The following ADGRL4 variants were observed in gnomAD, a reference collection of about 807,000 sequenced individuals.
The protein encoded by ADGRL4 is EGF, latrophilin and seven transmembrane domain containing 1.
A neutral mutation model predicts 74.8 loss-of-function variants in ADGRL4; 90 were observed. The observed-to-expected ratio is 1.20, with a 90% CI of 1.02 to 1.43. The LOEUF is 1.43. ADGRL4 is among the 40% of genes most tolerant of loss of function. The pLI is 0.00. For missense variants in ADGRL4, 881 were observed against 814.3 expected (o/e 1.08, Z -1.00); for synonymous variants, 311 against 279.2 (o/e 1.11, Z -1.14).
At chr1:78,989,309 TG>T (rs1650557594) in intron 2 of ADGRL4, among the ~76,000 whole-genome samples, 1 of 151,828 alleles carries the variant, frequency 6.6e-6, no homozygotes, top group South Asian at 2.1e-4. Flanking sequence ...GATATACATA[TG>T]ATTTAGGAAA....
At chr1:78,922,308 T>C (rs1163864295) in intron 8 of ADGRL4, among the ~76,000 whole-genome samples, 1 of 151,758 alleles carries the variant, frequency 6.6e-6, no homozygotes, top group African/African-American at 2.4e-5. Flanking sequence ...AAGGGGGGTG[T>C]CCAACAGACT....
At chr1:78,951,426 T>G (rs1009535722) in intron 2 of ADGRL4, among the ~76,000 whole-genome samples, 2 of 152,124 alleles carry the variant, frequency 1.3e-5, no homozygotes, top group Non-Finnish European at 2.9e-5. Flanking sequence ...AACTTGCCAG[T>G]AAACTACACA....
chr1:78,923,777 T>A (rs1428950840), intron 8 of ADGRL4, among the ~76,000 whole-genome samples: 1 of 151,560 alleles, frequency 6.6e-6, no homozygotes, highest in Non-Finnish European at 1.5e-5. Context: ...AAATAAAAAA[T>A]ATTAGGAGAA....
At chr1:78,963,574 C>A (rs559262552) in intron 2 of ADGRL4, among the ~76,000 whole-genome samples, 4 of 152,218 alleles carry the variant, frequency 2.6e-5, no homozygotes, top group Admixed American at 6.5e-5. Flanking sequence ...TTGTTTTATA[C>A]CCTCCAGATC....
chr1:79,005,035 A>C (rs532497619), intron 2 of ADGRL4, 35 bp downstream of exon 2: 1 of 1,583,308 alleles, frequency 6.3e-7, no homozygotes, highest in Non-Finnish European at 8.6e-7. Context: ...TTAATCTTAC[A>C]GTATAATCCA....
intron 10 of ADGRL4, 121 bp downstream of exon 10, chr1:78,920,062 C>T (rs993226560): frequency 1.4e-6 from 1 of 727,704 alleles, no homozygotes; most frequent in Non-Finnish European, 2.1e-6. Context: ...AGCTGAAGAA[C>T]AAATTATAGA....
At chr1:78,900,430 C>T (rs529942682) in intron 12 of ADGRL4, among the ~76,000 whole-genome samples, 4 of 152,166 alleles carry the variant, frequency 2.6e-5, no homozygotes, top group South Asian at 4.1e-4. Context: ...TGTGGTAATT[C>T]GTTATAGCAG....
intron 2 of ADGRL4, among the ~76,000 whole-genome samples, chr1:78,958,641 T>C (rs1331411337): frequency 6.6e-6 from 1 of 152,144 alleles, no homozygotes; most frequent in South Asian, 2.1e-4. Context: ...GCAAAGAAAG[T>C]TTTTTTCCTG....
intron 3 of ADGRL4, among the ~76,000 whole-genome samples, chr1:78,942,045 A>C (rs868007963): frequency 2.6e-5 from 4 of 151,902 alleles, no homozygotes; most frequent in Non-Finnish European, 2.9e-5. Flanking sequence ...TAAAAATACA[A>C]AAAATTAGCC....
intron 2 of ADGRL4, among the ~76,000 whole-genome samples, chr1:78,981,054 C>A (rs1055761797): frequency 6.6e-6 from 1 of 151,786 alleles, no homozygotes; most frequent in Non-Finnish European, 1.5e-5. Context: ...CAGGCATTTT[C>A]AAAATAGTAT....
Position 78,936,438 on chromosome 1 carries a change from A to G in ADGRL4, c.761-27T>C, listed in dbSNP as rs770061255. The G allele has an allele frequency of 5.2e-6, 8 of 1,534,074 alleles. No individual in the cohort carries two copies. In the South Asian group the frequency reaches 9.7e-5, roughly 19 times the overall value. ...TGAAACAAAACCATGAAAATAAAAA[A>G]AGTGAAATTACTTTAATCAATATAC... On this transcript the variant is annotated intron_variant, in intron 6 of 14. Transcript: ENST00000370742.
chr1:78,961,959 CA>C (rs1158856630), intron 2 of ADGRL4, among the ~76,000 whole-genome samples: 1 of 151,704 alleles, frequency 6.6e-6, no homozygotes, highest in African/African-American at 2.4e-5. Flanking sequence ...CAGCTCACTG[CA>C]ACCCCTGCCT....
At chr1:78,975,921 A>G (rs1481540186) in intron 2 of ADGRL4, among the ~76,000 whole-genome samples, 2 of 152,012 alleles carry the variant, frequency 1.3e-5, no homozygotes, top group African/African-American at 4.8e-5. Context: ...ACTGCCAGAA[A>G]AAAATACATG....
chr1:78,959,999 C>T (rs1489386), intron 2 of ADGRL4, among the ~76,000 whole-genome samples: 43,712 of 151,962 alleles, frequency 0.29, 6,331 homozygotes, highest in Middle Eastern at 0.33. Context: ...AAGTGTACGC[C>T]ATTCAAAATA....
intron 8 of ADGRL4, among the ~76,000 whole-genome samples, chr1:78,926,051 T>C (rs1210777214): frequency 2.0e-5 from 3 of 152,086 alleles, no homozygotes; most frequent in Non-Finnish European, 4.4e-5. Context: ...ATTTAGTTTC[T>C]CTCTACCTTC....
chr1:78,895,863 T>G (rs977542492), intron 12 of ADGRL4, among the ~76,000 whole-genome samples: 33 of 152,030 alleles, frequency 2.2e-4, no homozygotes, highest in African/African-American at 8.0e-4. Context: ...AAAGAACCTA[T>G]AGTATGCTGG....
chr1:78,956,988 A>C (rs1288128375), intron 2 of ADGRL4, among the ~76,000 whole-genome samples: 1 of 152,300 alleles, frequency 6.6e-6, no homozygotes, highest in East Asian at 1.9e-4. Flanking sequence ...GGCAATTCTC[A>C]CAACACTTCA....
At chr1:78,939,324 C>G (rs906693779) in intron 3 of ADGRL4, 66 bp from the exon 4 acceptor site, 86 of 1,323,642 alleles carry the variant, frequency 6.5e-5, no homozygotes, top group South Asian at 4.7e-4. Flanking sequence ...CTGATCATAT[C>G]AATCCCAATG....
chr1:78,978,270 T>C (rs950624459), intron 2 of ADGRL4, among the ~76,000 whole-genome samples: 3 of 151,914 alleles, frequency 2.0e-5, no homozygotes, highest in Non-Finnish European at 2.9e-5. Context: ...CTTGAGAGAC[T>C]CTCGGGAAAT....
Sources: allele counts gnomAD v4.1 joint callset (sites outside exome capture counted in the v4.1 genomes callset), GRCh38; gene constraint gnomAD v4.1.1; transcripts MANE v1.5; gene names NCBI Gene and HGNC (gene_info 2026-07-23, HGNC 2026-07-21).